The following SDK1 variants were observed in gnomAD, a reference collection of about 807,000 sequenced individuals.
SDK1 encodes the protein sidekick cell adhesion molecule 1, also known as protein sidekick-1.
Under a neutral mutation model 245.5 loss-of-function variants are expected in SDK1, and 157 were observed. The ratio of observed to expected loss-of-function variants is 0.64; its 90% CI spans 0.56 to 0.73. SDK1 has a LOEUF of 0.73. Among genes scored for constraint, SDK1 ranks in the 30% least tolerant of loss-of-function variants. The pLI is 0.00. For missense variants in SDK1, 3,583 were observed against 3,002.3 expected (o/e 1.19, Z -4.52); for synonymous variants, 1,647 against 1,278.5 (o/e 1.29, Z -6.15).
Position 3,885,120 on chromosome 7 carries a change from G to T in SDK1, c.847+63537G>T, listed in dbSNP as rs187831957. Among the ~76,000 whole-genome samples, 406 of 151,846 alleles carry T rather than the reference G, an allele frequency of 2.7e-3. 2 individuals are homozygous for T. Among genetic ancestry groups the T allele is most frequent in the African/African-American group, 9.5e-3 (394 of 41,468 alleles). Reference sequence around the variant, plus strand: ...TGAGCCTAAACCTGCCCATCCCTAAGGCTGTTCTGGTAATTCGGGAATGAG... The same window carrying T: ...TGAGCCTAAACCTGCCCATCCCTAATGCTGTTCTGGTAATTCGGGAATGAG... On this transcript the variant is annotated intron_variant, in intron 5 of 44. Transcript: ENST00000404826.
intron 22 of SDK1, among the ~76,000 whole-genome samples, chr7:4,107,459 G>A (rs1783012350): frequency 1.3e-5 from 2 of 151,510 alleles, no homozygotes; most frequent in South Asian, 4.2e-4. Flanking sequence ...GGCCTGAAAT[G>A]GAAGTCATCC....
chr7:3,319,195 T>C (rs961049613), intron 1 of SDK1, among the ~76,000 whole-genome samples: 2 of 152,186 alleles, frequency 1.3e-5, no homozygotes, highest in African/African-American at 4.8e-5. Flanking sequence ...CTGGAAGAAC[T>C]GTCTCCCTGG....
chr7:3,994,949 A>G (rs934440844), intron 14 of SDK1, among the ~76,000 whole-genome samples: 13 of 152,110 alleles, frequency 8.5e-5, no homozygotes, highest in African/African-American at 2.9e-4. Context: ...CAGAGAACCC[A>G]CCGCTGGGGC....
chr7:3,460,660 C>T (rs553224744), intron 1 of SDK1, among the ~76,000 whole-genome samples: 274 of 152,072 alleles, frequency 1.8e-3, no homozygotes, highest in Non-Finnish European at 2.9e-3. Context: ...ATAAAATAAT[C>T]GGAAAGGAAT....
At chr7:3,542,331 G>A (rs1416531757) in intron 1 of SDK1, among the ~76,000 whole-genome samples, 1 of 152,200 alleles carries the variant, frequency 6.6e-6, no homozygotes, top group African/African-American at 2.4e-5. Context: ...GGCTGGAAAG[G>A]TGATTACATT....
chr7:3,424,809 A>T (rs556348123), intron 1 of SDK1, among the ~76,000 whole-genome samples: 3 of 152,122 alleles, frequency 2.0e-5, no homozygotes, highest in South Asian at 2.1e-4. Context: ...AGGCATGAGG[A>T]TCCCTTGAGC....
rs74736060 is a variant in SDK1 at position 3,505,738 on chromosome 7, G to C, written c.299-113342G>C. 2.0e-5 allele frequency among the ~76,000 whole-genome samples: 3 copies of C among 152,198 alleles called. No individual in the cohort carries two copies. The East Asian group carries it at 5.8e-4, about 29-fold the overall frequency. The stretch of plus-strand genomic sequence containing the variant: ...CAACCAAAAGTGGCTCAAAAATACA[G>C]TATTCCTGGGATGCAAAACCTGTAG... On this transcript the variant is annotated intron_variant, in intron 1 of 44. Coordinates refer to ENST00000404826, the MANE Select transcript of SDK1 (RefSeq NM_152744.4).
chr7:4,077,020 G>A lies in SDK1; in HGVS notation c.3033G>A (p.Val1011=), dbSNP rs755960492. The change falls in exon 21 of 45, where the codon GTG becomes GTA. Residue 1011 remains valine (V), a synonymous_variant. Transcript: ENST00000404826. Reference sequence around the variant, plus strand: ...TAGGCTATCAGATCTCTTGGGAAGTGTACGGCAGGAACGACTCTCGTCTCA... The same window carrying A: ...TAGGCTATCAGATCTCTTGGGAAGTATACGGCAGGAACGACTCTCGTCTCA... ...IITGYQISWE[V]YGRNDSRLTH... is the part of the protein sequence containing the mutation. 9 of 1,614,020 alleles carry A rather than the reference G, an allele frequency of 5.6e-6. No homozygotes were observed. In the East Asian group the frequency reaches 1.1e-4, roughly 20 times the overall value.
chr7:3,535,637 C>A (rs1046716808), intron 1 of SDK1, among the ~76,000 whole-genome samples: 2 of 152,190 alleles, frequency 1.3e-5, no homozygotes, highest in African/African-American at 2.4e-5. Context: ...AATATTCCCT[C>A]ATTGTATGAG....
chr7:3,525,659 G>T (rs1783103527), intron 1 of SDK1, among the ~76,000 whole-genome samples: 1 of 151,952 alleles, frequency 6.6e-6, no homozygotes, highest in Non-Finnish European at 1.5e-5. Flanking sequence ...TCTAATGAAG[G>T]GATTAATTTG....
chr7:3,616,909 C>G (rs1279601673), intron 1 of SDK1, among the ~76,000 whole-genome samples: 2 of 152,100 alleles, frequency 1.3e-5, no homozygotes, highest in Non-Finnish European at 2.9e-5. Flanking sequence ...TTGAGTATGA[C>G]TTCTTGAAAA....
chr7:3,925,514 C>G (rs1779736793), intron 5 of SDK1, among the ~76,000 whole-genome samples: 1 of 152,166 alleles, frequency 6.6e-6, no homozygotes. Context: ...CAGTTTTAAT[C>G]CAGATACAGA....
At chr7:3,438,304 C>G (rs954199682) in intron 1 of SDK1, among the ~76,000 whole-genome samples, 2 of 152,102 alleles carry the variant, frequency 1.3e-5, no homozygotes, top group African/African-American at 4.8e-5. Context: ...ATAGTATGTG[C>G]CTGTTGTCTC....
chr7:4,109,196 C>T (rs1291151045), intron 22 of SDK1, among the ~76,000 whole-genome samples: 2 of 152,186 alleles, frequency 1.3e-5, no homozygotes, highest in African/African-American at 4.8e-5. Flanking sequence ...GGCGGAGTTG[C>T]TGGCTTATGC....
At chr7:3,420,963 A>T (rs1779519051) in intron 1 of SDK1, among the ~76,000 whole-genome samples, 1 of 152,128 alleles carries the variant, frequency 6.6e-6, no homozygotes, top group Admixed American at 6.5e-5. Context: ...TGTCCATGTA[A>T]GAACAGTTCT....
rs182428928 is a variant in SDK1, at chr7:3,502,397, C to G, written c.299-116683C>G. 6.0e-4 allele frequency among the ~76,000 whole-genome samples: 92 copies of G among 152,122 alleles called. 1 individual carries two copies. Among genetic ancestry groups the G allele is most frequent in the African/African-American group, 2.2e-3 (91 of 41,518 alleles). On this transcript the variant is annotated intron_variant, in intron 1 of 44. Coordinates refer to ENST00000404826, the MANE Select transcript of SDK1 (RefSeq NM_152744.4). ...CCCGAGTAGGTGGGATTACAGGTGC[C>G]TACCACCATGCCTGGCTAATTTTTG...
intron 5 of SDK1, among the ~76,000 whole-genome samples, chr7:3,898,019 G>T (rs749271092): frequency 6.6e-6 from 1 of 151,874 alleles, no homozygotes; most frequent in African/African-American, 2.4e-5. Flanking sequence ...CCAGGAAGCC[G>T]CCGTGTGCAC....
intron 5 of SDK1, among the ~76,000 whole-genome samples, chr7:3,828,121 C>G (rs1360617982): frequency 6.6e-6 from 1 of 151,830 alleles, no homozygotes; most frequent in South Asian, 2.1e-4. Context: ...ATTAAAAATA[C>G]AAAAATTATA....
chr7:3,527,522 A>C (rs1345865815), intron 1 of SDK1, among the ~76,000 whole-genome samples: 1 of 152,226 alleles, frequency 6.6e-6, no homozygotes, highest in Non-Finnish European at 1.5e-5. Flanking sequence ...CAAGAAGGTC[A>C]GAGTGCCTGG....
Sources: allele counts gnomAD v4.1 joint callset (sites outside exome capture counted in the v4.1 genomes callset), GRCh38; gene constraint gnomAD v4.1.1; transcripts MANE v1.5; gene names NCBI Gene and HGNC (gene_info 2026-07-23, HGNC 2026-07-21).